CALB2: variants seen among roughly 807,000 people sequenced by gnomAD.
The protein encoded by CALB2 is calbindin 2, also known as calretinin.
In CALB2, 34 loss-of-function variants were observed where a neutral mutation model predicts 45.9. The observed-to-expected ratio is 0.74, with a 90% CI of 0.56 to 0.99. CALB2 has a LOEUF of 0.99. CALB2 is among the 50% of genes least tolerant of loss of function. CALB2 has a pLI of 0.00. For missense variants in CALB2, 344 were observed against 339.3 expected (o/e 1.01, Z -0.11); for synonymous variants, 142 against 129.6 (o/e 1.10, Z -0.65).
intron 1 of CALB2, among the ~76,000 whole-genome samples, chr16:71,364,405 G>A (rs1954134837): frequency 6.6e-6 from 1 of 152,228 alleles, no homozygotes; most frequent in Admixed American, 6.5e-5. Context: ...ACCCCTCAGG[G>A]AAATCAATTC....
In CALB2 at chr16:71,384,350, T is replaced by C; in HGVS notation, c.545T>C (p.Val182Ala). ...CATTTTCTCCCCAGACTCCTGCCTGTCCAGGAAAACTTCCTGCTTAAATTT... is the reference window on the plus strand; with the variant it reads ...CATTTTCTCCCCAGACTCCTGCCTGCCCAGGAAAACTTCCTGCTTAAATTT... ...GLSEMSRLLPVQENFLLKFQG... is the reference protein window; with the variant it reads ...GLSEMSRLLPAQENFLLKFQG... The change falls in exon 8 of 11, where the codon GTC becomes GCC. Residue 182 changes from valine (V) to alanine (A), a missense_variant. By Grantham distance (64) the Val-to-Ala change is moderately conservative. Around this residue, in one of 3 missense-constraint regions of CALB2, gnomAD observed 263 missense variants for 241.7 expected, o/e 1.09. Transcript: ENST00000302628. The C allele has an allele frequency of 1.2e-6, 2 of 1,613,180 alleles. No individual in the cohort carries two copies. Among genetic ancestry groups the C allele is most frequent in the South Asian group, 2.2e-5 (2 of 91,074 alleles).
intron 4 of CALB2, among the ~76,000 whole-genome samples, chr16:71,382,097 G>A (rs914458964): frequency 3.7e-5 from 5 of 136,260 alleles, no homozygotes; most frequent in African/African-American, 1.4e-4. Flanking sequence ...AAAGAGAAAG[G>A]AAGGAAGGAA....
chr16:71,367,497 G>T (rs1178765746), intron 1 of CALB2, among the ~76,000 whole-genome samples: 2 of 152,142 alleles, frequency 1.3e-5, no homozygotes, highest in Non-Finnish European at 2.9e-5. Context: ...TGCTTTGAGG[G>T]AAGCCAGAGC....
intron 10 of CALB2, among the ~76,000 whole-genome samples, chr16:71,389,206 A>T (rs1244516882): frequency 1.3e-5 from 2 of 152,122 alleles, no homozygotes; most frequent in South Asian, 2.1e-4. Flanking sequence ...AAAAATAAAA[A>T]AAATTCCTTG....
At chr16:71,365,830 G>T (rs911659891) in intron 1 of CALB2, among the ~76,000 whole-genome samples, 1 of 151,604 alleles carries the variant, frequency 6.6e-6, no homozygotes, top group Non-Finnish European at 1.5e-5. Flanking sequence ...AGCCTTTACT[G>T]TTCTGAGCTT....
At chr16:71,366,716 TAAG>T (rs1360754216) in intron 1 of CALB2, among the ~76,000 whole-genome samples, 1 of 152,096 alleles carries the variant, frequency 6.6e-6, no homozygotes, top group Non-Finnish European at 1.5e-5. Flanking sequence ...TAGAGGAACT[TAAG>T]AGGAGGGAGT....
intron 3 of CALB2, among the ~76,000 whole-genome samples, chr16:71,377,018 C>T (rs1241802080): frequency 6.6e-6 from 1 of 152,150 alleles, no homozygotes; most frequent in Non-Finnish European, 1.5e-5. Flanking sequence ...ATGGGAGGCT[C>T]ACACTTCACC....
chr16:71,385,298 C>G, intron 9 of CALB2: 1 of 412,444 alleles, frequency 2.4e-6, no homozygotes, highest in Non-Finnish European at 4.4e-6. Flanking sequence ...AGCCCCCGGA[C>G]TCAGGGAGTT....
Position 71,390,195 on chromosome 16 carries a change from G to A in CALB2, c.*330G>A. On this transcript the variant is annotated 3_prime_UTR_variant, in exon 11 of 11. Coordinates refer to ENST00000302628, the MANE Select transcript of CALB2 (RefSeq NM_001740.5). The stretch of plus-strand genomic sequence containing the variant: ...TTAGGCTTCTATGTCCAACAGAGTG[G>A]ACTCTTCCCTCTCGCTCCCCTCTGC... 4.4e-6 allele frequency: 1 copy of A among 224,726 alleles called. No individual in the cohort carries two copies. The highest frequency in any genetic ancestry group is 8.9e-6 in the Non-Finnish European group (1 of 112,532). The allele number at this position is 224,726 out of a possible 1,614,324, so 13.9% of individuals were successfully genotyped here.
At chr16:71,370,322 G>A (rs999534459) in intron 1 of CALB2, among the ~76,000 whole-genome samples, 2 of 152,194 alleles carry the variant, frequency 1.3e-5, no homozygotes, top group African/African-American at 4.8e-5. Flanking sequence ...TGTTGCGTTT[G>A]TAATTCCATT....
chr16:71,387,008 T>C (rs1189275333), intron 10 of CALB2, among the ~76,000 whole-genome samples: 1 of 152,174 alleles, frequency 6.6e-6, no homozygotes, highest in African/African-American at 2.4e-5. Flanking sequence ...TAGGAGAAAA[T>C]TATGTATGTG....
At chr16:71,362,978 G>C (rs945793378) in intron 1 of CALB2, among the ~76,000 whole-genome samples, 1 of 152,122 alleles carries the variant, frequency 6.6e-6, no homozygotes, top group African/African-American at 2.4e-5. Context: ...CCAGGAGTTC[G>C]AGACCAGCTT....
At chr16:71,370,442 G>C (rs1210997580) in intron 1 of CALB2, among the ~76,000 whole-genome samples, 2 of 151,992 alleles carry the variant, frequency 1.3e-5, no homozygotes, top group Non-Finnish European at 2.9e-5. Flanking sequence ...TAGGTCAGTG[G>C]TTTTCAAACT....
At chr16:71,363,680 C>T (rs1007560662) in intron 1 of CALB2, among the ~76,000 whole-genome samples, 3 of 152,178 alleles carry the variant, frequency 2.0e-5, no homozygotes, top group Admixed American at 6.5e-5. Flanking sequence ...TGGCCCTGGG[C>T]GGCTGCATGA....
chr16:71,389,197 A>AAAATAAAAT (rs1339966417), intron 10 of CALB2, among the ~76,000 whole-genome samples: 8 of 152,068 alleles, frequency 5.3e-5, no homozygotes, highest in South Asian at 2.1e-4. Context: ...CAAAATAAAA[A>AAAATAAAAT]AAATAAAAAA....
intron 1 of CALB2, among the ~76,000 whole-genome samples, chr16:71,364,309 C>G (rs1419237520): frequency 6.6e-6 from 1 of 152,224 alleles, no homozygotes; most frequent in Non-Finnish European, 1.5e-5. Context: ...CCGGCTGTCC[C>G]TGCCCTGCTC....
intron 1 of CALB2, among the ~76,000 whole-genome samples, chr16:71,359,178 C>T (rs989764973): frequency 6.6e-6 from 1 of 152,350 alleles, no homozygotes; most frequent in African/African-American, 2.4e-5. Context: ...GGGAAGGCCT[C>T]CAGGTTCCCC....
intron 4 of CALB2, among the ~76,000 whole-genome samples, chr16:71,379,352 G>A (rs372786741): frequency 3.3e-5 from 5 of 152,070 alleles, no homozygotes; most frequent in African/African-American, 1.2e-4. Context: ...TAATTTCCTT[G>A]AGATCTTCAT....
At chr16:71,384,068 G>A (rs371740208) in intron 7 of CALB2, 43 bp downstream of exon 7, 1 of 1,590,858 alleles carries the variant, frequency 6.3e-7, no homozygotes, top group Non-Finnish European at 8.6e-7. Flanking sequence ...GGCTCCCACA[G>A]GTCATTCCTG....
Sources: gnomAD v4.1 joint callset for allele counts (sites outside exome capture counted in the v4.1 genomes callset) on GRCh38, gnomAD v4.1.1 for gene constraint, gnomAD v4.1.1 regional missense constraint, MANE v1.5 for transcripts, NCBI Gene and HGNC (gene_info 2026-07-23, HGNC 2026-07-21) for gene names.